Variants in ATP5MK observed in about 807,000 individuals in gnomAD.
ATP5MK encodes ATP synthase F(0) complex subunit k, mitochondrial.
In ATP5MK, 5 loss-of-function variants were observed where a neutral mutation model predicts 6.6. The observed-to-expected ratio is 0.76, with a 90% CI of 0.40 to 1.60. The LOEUF is 1.60. Ranked by LOEUF, ATP5MK falls within the 40% of genes most tolerant of loss-of-function variation. ATP5MK has a pLI of 0.02. For missense variants in ATP5MK, 57 were observed against 66.6 expected (o/e 0.86, Z 0.50); for synonymous variants, 30 against 24.5 (o/e 1.22, Z -0.66).
chr10:103,390,938 G>T (rs1473325325), intron 4 of ATP5MK, among the ~76,000 whole-genome samples: 2 of 152,158 alleles, frequency 1.3e-5, no homozygotes, highest in Non-Finnish European at 2.9e-5. Context: ...AACCTATGGG[G>T]ATTTAAGGAA....
At chr10:103,390,719 G>A (rs1381057086) in intron 4 of ATP5MK, among the ~76,000 whole-genome samples, 1 of 151,022 alleles carries the variant, frequency 6.6e-6, no homozygotes, top group Non-Finnish European at 1.5e-5. Flanking sequence ...TGAACCGGGA[G>A]GCAGAGGTTG....
chr10:103,389,493 TG>T (rs1224070329), intron 4 of ATP5MK, among the ~76,000 whole-genome samples: 5 of 151,708 alleles, frequency 3.3e-5, no homozygotes, highest in African/African-American at 1.2e-4. Flanking sequence ...CGGCTAATTT[TG>T]TATTTTTTAG....
chr10:103,394,282 T>G (rs768785762), intron 2 of ATP5MK: 10 of 533,872 alleles, frequency 1.9e-5, no homozygotes, highest in Admixed American at 1.4e-4. Context: ...AAAATTCGTA[T>G]GCATGACCGC....
intron 2 of ATP5MK, among the ~76,000 whole-genome samples, 188 bp downstream of exon 2, chr10:103,395,558 A>G (rs911467051): frequency 3.3e-5 from 5 of 151,994 alleles, no homozygotes; most frequent in Admixed American, 3.3e-4. Flanking sequence ...TCGGCCTCCC[A>G]AAGTGCTGGG....
intron 2 of ATP5MK, among the ~76,000 whole-genome samples, chr10:103,393,679 C>T (rs2093421572): frequency 6.6e-6 from 1 of 151,988 alleles, no homozygotes; most frequent in African/African-American, 2.4e-5. Flanking sequence ...ATGAGTATAC[C>T]CTTTCATCTA....
intron 4 of ATP5MK, 95 bp downstream of exon 4, chr10:103,392,096 C>T (rs2093416244): frequency 8.4e-7 from 1 of 1,195,154 alleles, no homozygotes; most frequent in African/African-American, 1.6e-5. Context: ...ATAAATTTTG[C>T]AAAATGACAA....
In ATP5MK at chr10:103,392,358, T is replaced by A. The variant is rs375233962; in HGVS notation, c.87+13A>T. 6.3e-7 allele frequency: 1 copy of A among 1,594,498 alleles called. No individual in the cohort carries two copies. On this transcript the variant is annotated intron_variant, in intron 3 of 4. Coordinates refer to ENST00000369815, the MANE Select transcript of ATP5MK (RefSeq NM_001206427.2). Reference sequence around the variant, plus strand: ...ATTTTAAAATATAACTGCTTAAAGTTATCAATACTTACGTTCATTCTACCT... The same window carrying A: ...ATTTTAAAATATAACTGCTTAAAGTAATCAATACTTACGTTCATTCTACCT...
chr10:103,390,529 C>T (rs955186347), intron 4 of ATP5MK, among the ~76,000 whole-genome samples: 1 of 151,656 alleles, frequency 6.6e-6, no homozygotes, highest in Admixed American at 6.6e-5. Context: ...TGGCTCACAC[C>T]TGTAATCCCA....
chr10:103,392,275 C>T lies in ATP5MK; in HGVS notation c.96G>A (p.Leu32=). ...YTLTGRMNCV[L]ATYGSIALIV... Reference sequence around the variant, plus strand: ...TCAATGCAATGCTTCCATATGTGGCCAGTACACACTGAGAAAGAAAGAAAA... The same window carrying T: ...TCAATGCAATGCTTCCATATGTGGCTAGTACACACTGAGAAAGAAAGAAAA... Residue 32 remains leucine, a synonymous_variant, in exon 4 of 5, where the codon CTG becomes CTA. Transcript: ENST00000369815. 6.2e-7 allele frequency: 1 copy of T among 1,610,588 alleles called. No homozygotes were observed. The highest frequency in any genetic ancestry group is 1.1e-5 in the South Asian group (1 of 89,814).
chr10:103,391,157 T>A (rs970654142), intron 4 of ATP5MK, among the ~76,000 whole-genome samples: 4 of 152,228 alleles, frequency 2.6e-5, no homozygotes, highest in Admixed American at 1.3e-4. Flanking sequence ...CAATTTTTTT[T>A]ACTCATCAAA....
Position 103,392,368 on chromosome 10 carries a change from T to TA in ATP5MK, c.87+2dup, listed in dbSNP as rs1339841048. 1.1e-5 allele frequency: 18 copies of TA among 1,599,576 alleles called. No individual in the cohort carries two copies. The highest frequency in any genetic ancestry group is 5.7e-5 in the South Asian group (5 of 87,772). On this transcript the variant is annotated splice_region_variant and intron_variant, in intron 3 of 4. Transcript: ENST00000369815. ...ATAACTGCTTAAAGTTATCAATACTTACGTTCATTCTACCTGTGAGAGTAT... is the reference window on the plus strand; with the variant it reads ...ATAACTGCTTAAAGTTATCAATACTTAACGTTCATTCTACCTGTGAGAGTAT...
chr10:103,392,344 T>C (rs942493307), intron 3 of ATP5MK, 27 bp downstream of exon 3: 3 of 1,592,552 alleles, frequency 1.9e-6, no homozygotes, highest in Non-Finnish European at 2.6e-6. Context: ...TTTTAAAATA[T>C]AACTGCTTAA....
chr10:103,390,338 AC>A (rs1201966661), intron 4 of ATP5MK, among the ~76,000 whole-genome samples: 4 of 152,062 alleles, frequency 2.6e-5, no homozygotes, highest in Non-Finnish European at 5.9e-5. Context: ...AAAAGAAAAT[AC>A]AAAAATTAAC....
chr10:103,392,565 G>T, intron 2 of ATP5MK, 99 bp from the exon 3 acceptor site: 1 of 831,646 alleles, frequency 1.2e-6, no homozygotes, highest in Middle Eastern at 3.2e-4. Context: ...CAAGGTCACT[G>T]CATATAAATA....
At chr10:103,389,789 C>T (rs948211462) in intron 4 of ATP5MK, among the ~76,000 whole-genome samples, 4 of 150,516 alleles carry the variant, frequency 2.7e-5, no homozygotes, top group Non-Finnish European at 4.4e-5. Context: ...TGGAGTGTAG[C>T]AGCGCAATCT....
intron 2 of ATP5MK, among the ~76,000 whole-genome samples, chr10:103,394,027 C>T (rs770783274): frequency 3.3e-5 from 5 of 152,126 alleles, no homozygotes; most frequent in Non-Finnish European, 7.4e-5. Context: ...TTAGGCCCTA[C>T]CTATTGAATC....
intron 4 of ATP5MK, among the ~76,000 whole-genome samples, chr10:103,389,681 T>C (rs1464820518): frequency 6.6e-6 from 1 of 152,236 alleles, no homozygotes; most frequent in East Asian, 1.9e-4. Context: ...ACCAACAATT[T>C]AGTATGATCC....
intron 2 of ATP5MK, among the ~76,000 whole-genome samples, chr10:103,393,427 A>G (rs190577072): frequency 0.015 from 2,250 of 152,054 alleles, 35 homozygotes; most frequent in Middle Eastern, 0.037. Context: ...AAAAATACAA[A>G]AAATTAGCCG....
At chr10:103,394,298 T>G (rs764930476) in intron 2 of ATP5MK, 1 of 534,124 alleles carries the variant, frequency 1.9e-6, no homozygotes, top group Non-Finnish European at 3.9e-6. Context: ...ACCGCCTATC[T>G]ACCACGACCG....
Sources: gnomAD v4.1 joint callset for allele counts (sites outside exome capture counted in the v4.1 genomes callset) on GRCh38, gnomAD v4.1.1 for gene constraint, MANE v1.5 for transcripts, NCBI Gene and HGNC (gene_info 2026-07-23, HGNC 2026-07-21) for gene names.